MITF: variants seen among roughly 807,000 people sequenced by gnomAD.
MITF encodes the protein melanocyte inducing transcription factor.
In MITF, 17 loss-of-function variants were observed where a neutral mutation model predicts 60.5. The observed-to-expected ratio is 0.28, with a 90% confidence interval of 0.19 to 0.42. The LOEUF (loss-of-function observed/expected upper bound fraction) is 0.42. Ranked by LOEUF, MITF falls within the 10% of genes least tolerant of loss-of-function variation. The pLI is 1.00. For missense variants in MITF, 622 were observed against 683.5 expected (o/e 0.91, Z 1.00); for synonymous variants, 260 against 248.5 (o/e 1.05, Z -0.43).
intron 1 of MITF, among the ~76,000 whole-genome samples, chr3:69,813,957 C>A (rs1443454153): frequency 1.3e-5 from 2 of 152,102 alleles, no homozygotes; most frequent in Non-Finnish European, 2.9e-5. Context: ...ATATTAGATG[C>A]CTATCAACAA....
chr3:69,780,461 C>A (rs2062545469), intron 1 of MITF, among the ~76,000 whole-genome samples: 1 of 152,140 alleles, frequency 6.6e-6, no homozygotes, highest in Non-Finnish European at 1.5e-5. Flanking sequence ...GAGCTTATTT[C>A]AGTTATCTAT....
At chr3:69,904,431 C>T (rs1429847466) in intron 2 of MITF, among the ~76,000 whole-genome samples, 3 of 152,210 alleles carry the variant, frequency 2.0e-5, no homozygotes, top group South Asian at 2.1e-4. Context: ...TAATTTCTTC[C>T]GTGTGTCTTC....
chr3:69,759,808 C>T (rs1313489449), intron 1 of MITF, among the ~76,000 whole-genome samples: 2 of 152,062 alleles, frequency 1.3e-5, no homozygotes, highest in Non-Finnish European at 2.9e-5. Context: ...GACAAAGTCT[C>T]GCTCTGTCGT....
chr3:69,788,649 G>C (rs1024982921), intron 1 of MITF, among the ~76,000 whole-genome samples: 1 of 152,072 alleles, frequency 6.6e-6, no homozygotes, highest in Non-Finnish European at 1.5e-5. Context: ...AAGCAATTTT[G>C]AGAAAGAAGA....
Position 69,951,713 on chromosome 3 carries a change from A to G in MITF, c.881-99A>G, listed in dbSNP as rs1477898680. ...GTATTTTTACTTAGAGTCAAGTCAA[A>G]TAAGCTTCTGTATGTTTGGGAAATG... On this transcript the variant is annotated intron_variant, in intron 6 of 9. Coordinates refer to ENST00000352241, the MANE Select transcript of MITF (RefSeq NM_001354604.2). 3 of 896,848 alleles carry G rather than the reference A, an allele frequency of 3.3e-6. No individual in the cohort carries two copies. In the South Asian group the frequency reaches 4.2e-5, roughly 13 times the overall value. The allele number at this position is 896,848 out of a possible 1,614,324, so 55.6% of individuals were successfully genotyped here.
intron 2 of MITF, among the ~76,000 whole-genome samples, chr3:69,917,373 C>T (rs1432448856): frequency 7.4e-6 from 1 of 134,868 alleles, no homozygotes; most frequent in African/African-American, 2.8e-5. Context: ...ATACAGTTGC[C>T]TCCTTTTTTT....
At chr3:69,907,954 ATTAT>A (rs771389923) in intron 2 of MITF, among the ~76,000 whole-genome samples, 7 of 152,208 alleles carry the variant, frequency 4.6e-5, no homozygotes, top group African/African-American at 7.2e-5. Context: ...GGAAGAGGAA[ATTAT>A]TTATTTATTA....
At chr3:69,834,916 G>A (rs2063516092) in intron 1 of MITF, among the ~76,000 whole-genome samples, 1 of 136,224 alleles carries the variant, frequency 7.3e-6, no homozygotes, top group Non-Finnish European at 1.6e-5. Flanking sequence ...GCTTTGATTT[G>A]CATTTACCTG....
At position 69,754,023 on chromosome 3, in the gene MITF, A is replaced by T. The variant is rs1296198741; in HGVS notation, c.104+14322A>T. ...TTTGGGGGACCAGGGGTAGAATGAT[A>T]TGGTTTGAATCTGTGTCCCCACCAA... On this transcript the variant is annotated intron_variant, in intron 1 of 9. Coordinates refer to ENST00000352241, the MANE Select transcript of MITF (RefSeq NM_001354604.2). Among the ~76,000 whole-genome samples, 8 of 152,224 alleles carry T rather than the reference A, an allele frequency of 5.3e-5. No homozygotes were observed. The East Asian group carries it at 1.5e-3, about 29-fold the overall frequency.
intron 2 of MITF, among the ~76,000 whole-genome samples, chr3:69,903,658 A>G (rs1378640633): frequency 6.6e-6 from 1 of 152,154 alleles, no homozygotes; most frequent in Non-Finnish European, 1.5e-5. Flanking sequence ...AAATATCAGC[A>G]AGAGGAGTGT....
intron 2 of MITF, among the ~76,000 whole-genome samples, chr3:69,896,509 T>G (rs537980441): frequency 3.3e-5 from 5 of 152,380 alleles, no homozygotes; most frequent in African/African-American, 1.2e-4. Flanking sequence ...TCTGGGATGC[T>G]AGCTGCAGAA....
rs551690227 is a variant in MITF, at chr3:69,864,102, T to C, written c.105-15032T>C. Among the ~76,000 whole-genome samples, 16 of 152,352 alleles carry C rather than the reference T, an allele frequency of 1.1e-4. No homozygotes were observed. The South Asian group carries it at 3.3e-3, about 32-fold the overall frequency. On this transcript the variant is annotated intron_variant, in intron 1 of 9. Coordinates refer to ENST00000352241, the MANE Select transcript of MITF (RefSeq NM_001354604.2). ...TGCATCAGAGACAATGCTGAACACA[T>C]TACTTGTCATCTCTTTCAGTTCTAA...
chr3:69,931,190 G>A (rs2065714972), intron 2 of MITF, among the ~76,000 whole-genome samples: 1 of 152,176 alleles, frequency 6.6e-6, no homozygotes, highest in African/African-American at 2.4e-5. Context: ...GAGAGAATGA[G>A]CACTAATTCC....
chr3:69,886,790 T>C (rs2064629791), intron 2 of MITF, among the ~76,000 whole-genome samples: 1 of 152,122 alleles, frequency 6.6e-6, no homozygotes, highest in African/African-American at 2.4e-5. Context: ...TTATGCTTTA[T>C]TGATAGTCAT....
chr3:69,757,754 T>TA (rs2062147732), intron 1 of MITF, among the ~76,000 whole-genome samples: 1 of 152,096 alleles, frequency 6.6e-6, no homozygotes, highest in South Asian at 2.1e-4. Flanking sequence ...TTCCAGGAGT[T>TA]ATGGTTTGAG....
At chr3:69,755,460 TTTTTTTTTTTTG>T in intron 1 of MITF, among the ~76,000 whole-genome samples, 1 of 139,280 alleles carries the variant, frequency 7.2e-6, no homozygotes, top group African/African-American at 2.7e-5. Context: ...TTTTTTTTTT[TTTTTTTTTTTTG>T]GGAATAGCAG....
intron 2 of MITF, among the ~76,000 whole-genome samples, chr3:69,921,162 G>A (rs1184814069): frequency 6.6e-6 from 1 of 152,218 alleles, no homozygotes; most frequent in Non-Finnish European, 1.5e-5. Flanking sequence ...GTGAGCCACT[G>A]CACCCGGCTG....
intron 1 of MITF, among the ~76,000 whole-genome samples, chr3:69,874,771 G>T (rs1445792344): frequency 6.6e-6 from 1 of 152,182 alleles, no homozygotes; most frequent in African/African-American, 2.4e-5. Flanking sequence ...CAAAGGTGAG[G>T]GGTGGGCAGA....
At chr3:69,740,905 G>GGT (rs1051401960) in intron 1 of MITF, among the ~76,000 whole-genome samples, 6 of 152,158 alleles carry the variant, frequency 3.9e-5, no homozygotes, top group Non-Finnish European at 8.8e-5. Flanking sequence ...GGAGCCAAGT[G>GGT]GTGTAATCTT....
Sources: allele counts gnomAD v4.1 joint callset (sites outside exome capture counted in the v4.1 genomes callset), GRCh38; gene constraint gnomAD v4.1.1; transcripts MANE v1.5; gene names NCBI Gene and HGNC (gene_info 2026-07-23, HGNC 2026-07-21).